BAZ2A: variants seen among roughly 807,000 people sequenced by gnomAD.
BAZ2A encodes bromodomain adjacent to zinc finger domain 2A, also known as bromodomain adjacent to zinc finger domain protein 2A.
Under a neutral mutation model 199.9 loss-of-function variants are expected in BAZ2A, and 34 were observed. The ratio of observed to expected loss-of-function variants is 0.17; its 90% CI spans 0.13 to 0.23. The LOEUF (loss-of-function observed/expected upper bound fraction) is 0.23. Among genes scored for constraint, BAZ2A ranks in the 10% least tolerant of loss-of-function variants. The probability of loss-of-function intolerance (pLI) is 1.00; values close to 1 mark genes in which losing one functional copy is unlikely to be tolerated. For synonymous variants in BAZ2A, 857 were observed against 883.9 expected, an observed-to-expected ratio of 0.97 and a Z score of 0.54; for missense variants, 2,002 against 2,391.1, an observed-to-expected ratio of 0.84 and a Z score of 3.39.
chr12:56,617,360 A>G, intron 2 of BAZ2A, 35 bp downstream of exon 2: 5 of 1,555,424 alleles, frequency 3.2e-6, no homozygotes, highest in Non-Finnish European at 4.4e-6. Flanking sequence ...GATGATGCCC[A>G]TTCCCTCCCC....
intron 7 of BAZ2A, 55 bp from the exon 8 acceptor site, chr12:56,610,572 T>C (rs1409934764): frequency 2.0e-6 from 3 of 1,528,790 alleles, no homozygotes; most frequent in Non-Finnish European, 2.7e-6. Context: ...CCCACTCCCA[T>C]GCCACCTAAG....
chr12:56,599,472 G>T, intron 26 of BAZ2A, 114 bp from the exon 27 acceptor site: 1 of 1,316,176 alleles, frequency 7.6e-7, no homozygotes, highest in Non-Finnish European at 1.0e-6. Context: ...GCATAAGCCG[G>T]CATTGGTTTA....
intron 11 of BAZ2A, 73 bp from the exon 12 acceptor site, chr12:56,606,385 A>C (rs747211239): frequency 1.4e-5 from 22 of 1,562,472 alleles, no homozygotes; most frequent in Non-Finnish European, 1.9e-5. Context: ...ATTCAAAAAC[A>C]GACAAGGGTG....
At chr12:56,614,189 T>C (rs1389299007) in intron 3 of BAZ2A, 51 bp from the exon 4 acceptor site, 1 of 1,552,776 alleles carries the variant, frequency 6.4e-7, no homozygotes, top group Middle Eastern at 1.7e-4. Flanking sequence ...CTTATATTGG[T>C]TCACTTAGCT....
Position 56,604,605 on chromosome 12 carries a change from A to G in BAZ2A, c.2943T>C (p.Asn981=). ...CTCACTTGATGATGAGGGTGGAGCCATTGAGCTCATGCACAAGGAAGGCCA... is the reference window on the plus strand; with the variant it reads ...CTCACTTGATGATGAGGGTGGAGCCGTTGAGCTCATGCACAAGGAAGGCCA... ...AVLAFLVHEL[N]GSTLIINEID... The change falls in exon 15 of 29, where the codon AAT becomes AAC. Residue 981 remains asparagine, a synonymous_variant. Transcript: ENST00000549884. 1 of 1,594,022 alleles carries G rather than the reference A, an allele frequency of 6.3e-7. No homozygotes were observed.
chr12:56,614,256 G>T, intron 3 of BAZ2A, 118 bp from the exon 4 acceptor site: 1 of 1,075,472 alleles, frequency 9.3e-7, no homozygotes, highest in Non-Finnish European at 1.4e-6. Flanking sequence ...ATTTATTGCG[G>T]CCAGTTCATT....
At chr12:56,622,271 T>TG (rs1273782397) in intron 1 of BAZ2A, among the ~76,000 whole-genome samples, 1 of 151,886 alleles carries the variant, frequency 6.6e-6, no homozygotes, top group Non-Finnish European at 1.5e-5. Context: ...ATCCAGGAGA[T>TG]GGAGGTTGCA....
At position 56,612,022 on chromosome 12, in the gene BAZ2A, C is replaced by T. The variant is rs775297286; in HGVS notation, c.1360G>A (p.Ala454Thr). 13 of 1,613,170 alleles carry T rather than the reference C, an allele frequency of 8.1e-6. No homozygotes were observed. Among genetic ancestry groups the T allele is most frequent in the African/African-American group, 8.0e-5 (6 of 74,702 alleles). ...SPEISPEVCP[A>T]ASTVVSPAVF... ...GCTGGAGAGACAACTGTAGAAGCTG[C>T]GGGACAAACTTCTGGAGAGATTTCT... The change falls in exon 6 of 29, where the codon GCA becomes ACA. Residue 454 changes from alanine (A) to threonine (T), a missense_variant. Physicochemically the swap from Ala to Thr is moderately conservative, Grantham distance 58 (BLOSUM62 0). Coordinates refer to ENST00000549884, the MANE Select transcript of BAZ2A (RefSeq NM_001300905.2).
At position 56,602,107 on chromosome 12, in the gene BAZ2A, C is replaced by A; in HGVS notation, c.3510G>T (p.Lys1170Asn). The A allele has an allele frequency of 2.5e-6, 4 of 1,589,212 alleles. No individual in the cohort carries two copies. Among genetic ancestry groups the A allele is most frequent in the Non-Finnish European group, 3.4e-6 (4 of 1,167,470 alleles). Residue 1170 changes from lysine (K) to asparagine (N), a missense_variant, in exon 20 of 29, where the codon AAG (lysine) becomes AAT (asparagine). Lys to Asn is a moderately conservative substitution (Grantham distance 94). Transcript: ENST00000549884. ...TGGTGTTGGAGCCAGCTAACTCCATCTTCATAGAGAAGAGGGCAGGGTTGA... is the reference window on the plus strand; with the variant it reads ...TGGTGTTGGAGCCAGCTAACTCCATATTCATAGAGAAGAGGGCAGGGTTGA... ...ASLNPALFSM[K>N]MELAGSNTTA...
intron 1 of BAZ2A, among the ~76,000 whole-genome samples, chr12:56,628,936 C>T (rs1951200340): frequency 6.6e-6 from 1 of 151,672 alleles, no homozygotes; most frequent in Non-Finnish European, 1.5e-5. Flanking sequence ...GAAAACAAAA[C>T]GAAACCAGAC....
rs984574909 is a variant in BAZ2A, at chr12:56,630,057, C to G, written c.-3+68G>C. ...AAGCCGGCTCTGGAGCTTCTGTTCCCCGAGGGAAGCCTCGGATGAAAGCGG... is the reference window on the plus strand; with the variant it reads ...AAGCCGGCTCTGGAGCTTCTGTTCCGCGAGGGAAGCCTCGGATGAAAGCGG... On this transcript the variant is annotated intron_variant, in intron 1 of 28. Coordinates refer to ENST00000549884, the MANE Select transcript of BAZ2A (RefSeq NM_001300905.2). 3.2e-6 allele frequency: 3 copies of G among 925,134 alleles called. No individual in the cohort carries two copies. The Admixed American group carries it at 1.9e-4, about 57-fold the overall frequency. The allele number at this position is 925,134 out of a possible 1,614,324, so 57.3% of individuals were successfully genotyped here. A position where few individuals can be genotyped will look rare whatever the true frequency, so the allele number is the denominator to read the frequency against.
rs765471832 is a variant in BAZ2A at position 56,602,880 on chromosome 12, G to A, written c.3280-23C>T. ...ACGCTGGGTAGACAATGAAAATGAA[G>A]ATGAATAAACACATTTCCAGAGTGA... is the stretch of plus-strand genomic sequence containing the variant. On this transcript the variant is annotated intron_variant, in intron 18 of 28. Transcript: ENST00000549884. The A allele has an allele frequency of 2.1e-5, 34 of 1,597,538 alleles. No individual in the cohort carries two copies. The Admixed American group carries it at 5.9e-4, about 28-fold the overall frequency.
At chr12:56,610,295 G>T in intron 8 of BAZ2A, 80 bp from the exon 9 acceptor site, 1 of 1,578,006 alleles carries the variant, frequency 6.3e-7, no homozygotes, top group Non-Finnish European at 8.7e-7. Flanking sequence ...AGCAGAACAG[G>T]CCCAGAGCAG....
intron 1 of BAZ2A, among the ~76,000 whole-genome samples, chr12:56,625,154 CTTTTTTTTTTT>C (rs1002458672): frequency 8.3e-5 from 9 of 108,114 alleles, no homozygotes; most frequent in African/African-American, 2.7e-4. Flanking sequence ...CTTAGAATTT[CTTTTTTTTTTT>C]TTTTTTTTTT....
At chr12:56,624,535 G>A (rs550705792) in intron 1 of BAZ2A, among the ~76,000 whole-genome samples, 2 of 151,004 alleles carry the variant, frequency 1.3e-5, no homozygotes, top group Non-Finnish European at 2.9e-5. Context: ...AGAAATGAAT[G>A]AGTAAATCTA....
At position 56,600,186 on chromosome 12, in the gene BAZ2A, G is replaced by A. The variant is rs1402135480; in HGVS notation, c.4892+15C>T. 3 of 1,612,456 alleles carry A rather than the reference G, an allele frequency of 1.9e-6. No homozygotes were observed. The highest frequency in any genetic ancestry group is 2.5e-6 in the Non-Finnish European group (3 of 1,178,674). The stretch of plus-strand genomic sequence containing the variant: ...TTCTCTCCAAGACCAAGAATGGAGG[G>A]TGGGAGTCACTCACATCTCTGTAGT... On this transcript the variant is annotated intron_variant, in intron 24 of 28. Coordinates refer to ENST00000549884, the MANE Select transcript of BAZ2A (RefSeq NM_001300905.2).
In BAZ2A at chr12:56,610,507, C is replaced by G; in HGVS notation, c.1681G>C (p.Glu561Gln). 1 of 1,611,258 alleles carries G rather than the reference C, an allele frequency of 6.2e-7. No individual in the cohort carries two copies. Among genetic ancestry groups the G allele is most frequent in the Non-Finnish European group, 8.5e-7 (1 of 1,178,814 alleles). The change falls in exon 8 of 29, where the codon GAG becomes CAG. Residue 561 changes from glutamate (E) to glutamine (Q), a missense_variant. By Grantham distance (29) the Glu-to-Gln change is conservative (BLOSUM62 2). Coordinates refer to ENST00000549884, the MANE Select transcript of BAZ2A (RefSeq NM_001300905.2). ...RLPLQHGWRREVRIKKGSHRW... is the reference protein window; with the variant it reads ...RLPLQHGWRRQVRIKKGSHRW... ...TGGCTGCCCTTCTTGATGCGCACCT[C>G]TCTCCGCCACCTGCCAGAGAAGCAC...
upstream of BAZ2A, among the ~76,000 whole-genome samples, chr12:56,634,254 C>T (rs1038300345): frequency 6.6e-6 from 1 of 152,198 alleles, no homozygotes; most frequent in Non-Finnish European, 1.5e-5. Context: ...TCCCCACGCA[C>T]TCTCTCCCAA....
chr12:56,638,144 T>C, upstream of BAZ2A: 1 of 587,608 alleles, frequency 1.7e-6, no homozygotes, highest in South Asian at 2.2e-5. Context: ...CAGTGTTGAC[T>C]ATGTTGTCAG....
Sources: allele counts gnomAD v4.1 joint callset (sites outside exome capture counted in the v4.1 genomes callset), GRCh38; gene constraint gnomAD v4.1.1; transcripts MANE v1.5; gene names NCBI Gene and HGNC (gene_info 2026-07-23, HGNC 2026-07-21).